The following FHIT variants were observed in gnomAD, a reference collection of about 807,000 sequenced individuals.
FHIT encodes bis(5'-adenosyl)-triphosphatase.
In FHIT, 19 loss-of-function variants were observed where a neutral mutation model predicts 17.9. That is an observed-to-expected ratio of 1.06 (90% confidence interval 0.74 to 1.56). FHIT has a LOEUF of 1.56. FHIT is among the 40% of genes most tolerant of loss of function. The probability of loss-of-function intolerance (pLI) is 0.00; values close to 1 mark genes in which losing one functional copy is unlikely to be tolerated. For synonymous variants in FHIT, 81 were observed against 69.7 expected (o/e 1.16, Z -0.81); for missense variants, 248 against 189.2 (o/e 1.31, Z -1.82).
chr3:60,784,070 G>A (rs940881349), intron 4 of FHIT, among the ~76,000 whole-genome samples: 1 of 152,128 alleles, frequency 6.6e-6, no homozygotes, highest in Non-Finnish European at 1.5e-5. Flanking sequence ...TGGTTGTTAT[G>A]AATGTCCTCT....
chr3:60,175,999 T>C (rs762139007), intron 5 of FHIT, among the ~76,000 whole-genome samples: 3 of 152,200 alleles, frequency 2.0e-5, no homozygotes, highest in Non-Finnish European at 4.4e-5. Flanking sequence ...ACGGGGCTAA[T>C]GTAGCTGAAA....
chr3:60,905,597 T>C (rs1553764347), intron 3 of FHIT, among the ~76,000 whole-genome samples: 1 of 152,140 alleles, frequency 6.6e-6, no homozygotes, highest in African/African-American at 2.4e-5. Flanking sequence ...ATAGATACAA[T>C]CAATAGTAGT....
intron 2 of FHIT, among the ~76,000 whole-genome samples, chr3:61,098,631 C>G (rs1270387862): frequency 2.0e-5 from 3 of 152,158 alleles, no homozygotes; most frequent in Non-Finnish European, 4.4e-5. Flanking sequence ...TTTCTTTGAG[C>G]AGAATTTTGT....
rs377551404 is a variant in FHIT at position 61,209,712 on chromosome 3, T to C, written c.-212-9047A>G. ...ATTGGTTATTCTAGTTAGCCATTCA[T>C]CTAATTTTTTTTCAAGGTTTTTAAC... On this transcript the variant is annotated intron_variant, in intron 1 of 9. Coordinates refer to ENST00000492590, the MANE Select transcript of FHIT (RefSeq NM_002012.4). Among the ~76,000 whole-genome samples the C allele has an allele frequency of 8.5e-5, 13 of 152,338 alleles. No homozygotes were observed. In the East Asian group the frequency reaches 2.3e-3, roughly 27 times the overall value.
intron 5 of FHIT, among the ~76,000 whole-genome samples, chr3:60,251,696 C>T (rs1210993480): frequency 6.6e-6 from 1 of 152,182 alleles, no homozygotes; most frequent in East Asian, 1.9e-4. Context: ...AATCTTTCAA[C>T]TGATCTTATC....
chr3:60,647,715 A>G (rs946045655), intron 4 of FHIT, among the ~76,000 whole-genome samples: 3 of 152,232 alleles, frequency 2.0e-5, no homozygotes, highest in African/African-American at 4.8e-5. Flanking sequence ...CGATTCTAGC[A>G]GTATGTGTTA....
At chr3:59,804,381 A>G (rs150886357) in intron 8 of FHIT, among the ~76,000 whole-genome samples, 9 of 152,344 alleles carry the variant, frequency 5.9e-5, no homozygotes, top group Non-Finnish European at 7.3e-5. Flanking sequence ...CTTGAAGAAG[A>G]AGGTACTGCT....
In FHIT at chr3:60,014,029, G is replaced by A. The variant is rs1378051443; in HGVS notation, c.227C>T (p.Thr76Ile). 3.7e-6 allele frequency: 6 copies of A among 1,614,002 alleles called. No individual in the cohort carries two copies. Among genetic ancestry groups the A allele is most frequent in the Non-Finnish European group, 4.2e-6 (5 of 1,179,940 alleles). The stretch of plus-strand genomic sequence containing the variant: ...CACCTGCATGGAAAAGGTGAGAGAG[G>A]TCCCATGGAAATGTTTTTCCACCAC... ...GTVVEKHFHG[T>I]SLTFSMQDGP... Residue 76 changes from threonine to isoleucine, a missense_variant, in exon 6 of 10, where the codon ACC becomes ATC. Physicochemically the swap from Thr to Ile is moderately conservative, Grantham distance 89. Coordinates refer to ENST00000492590, the MANE Select transcript of FHIT (RefSeq NM_002012.4).
intron 4 of FHIT, among the ~76,000 whole-genome samples, chr3:60,640,607 G>A (rs1019647212): frequency 6.6e-6 from 1 of 152,066 alleles, no homozygotes; most frequent in South Asian, 2.1e-4. Context: ...AAATTTAAAG[G>A]TGGAGGATTG....
intron 5 of FHIT, among the ~76,000 whole-genome samples, chr3:60,044,275 T>G (rs529255284): frequency 6.6e-6 from 1 of 152,228 alleles, no homozygotes; most frequent in Admixed American, 6.5e-5. Context: ...CTTTTGTGAA[T>G]TAAGACTCAA....
At chr3:60,100,075 C>G (rs957639078) in intron 5 of FHIT, among the ~76,000 whole-genome samples, 2 of 152,124 alleles carry the variant, frequency 1.3e-5, no homozygotes, top group African/African-American at 4.8e-5. Flanking sequence ...CTGACCCTGA[C>G]AATCAGGTCA....
chr3:60,432,099 C>G (rs1455023486), intron 5 of FHIT, among the ~76,000 whole-genome samples: 1 of 152,114 alleles, frequency 6.6e-6, no homozygotes, highest in Non-Finnish European at 1.5e-5. Flanking sequence ...CCTCAGCCTC[C>G]TGAGTAGCTG....
chr3:61,024,356 G>C (rs1310846710), intron 3 of FHIT, among the ~76,000 whole-genome samples: 1 of 151,978 alleles, frequency 6.6e-6, no homozygotes, highest in African/African-American at 2.4e-5. Context: ...CAATAGAGAG[G>C]CAACGTTTAA....
At chr3:60,977,798 G>A (rs1319775209) in intron 3 of FHIT, among the ~76,000 whole-genome samples, 2 of 151,914 alleles carry the variant, frequency 1.3e-5, no homozygotes, top group Non-Finnish European at 2.9e-5. Context: ...TTGAACCCAG[G>A]AGGTAGAGGT....
chr3:61,043,546 T>C (rs532527247), intron 2 of FHIT, among the ~76,000 whole-genome samples: 3 of 152,332 alleles, frequency 2.0e-5, no homozygotes, highest in African/African-American at 7.2e-5. Context: ...TCTCCACCTC[T>C]GGGGGCAGGG....
intron 3 of FHIT, among the ~76,000 whole-genome samples, chr3:60,883,841 C>A (rs1705084303): frequency 6.6e-6 from 1 of 151,988 alleles, no homozygotes; most frequent in Non-Finnish European, 1.5e-5. Flanking sequence ...ATAAAGGCAA[C>A]AAAGGTTAAA....
At chr3:60,653,019 C>A (rs1301279409) in intron 4 of FHIT, among the ~76,000 whole-genome samples, 1 of 152,120 alleles carries the variant, frequency 6.6e-6, no homozygotes, top group African/African-American at 2.4e-5. Flanking sequence ...TGAAACTCTT[C>A]AAGCTTGCTA....
intron 4 of FHIT, among the ~76,000 whole-genome samples, chr3:60,680,957 T>C (rs1385267848): frequency 6.6e-6 from 1 of 152,196 alleles, no homozygotes; most frequent in Non-Finnish European, 1.5e-5. Context: ...AAAGCAAACA[T>C]TTTATAACAT....
chr3:61,168,539 T>C (rs1380644749), intron 2 of FHIT, among the ~76,000 whole-genome samples: 2 of 152,214 alleles, frequency 1.3e-5, no homozygotes, highest in East Asian at 3.8e-4. Context: ...CAAGTCAACC[T>C]TGTGACAGGG....
Sources: allele counts gnomAD v4.1 joint callset (sites outside exome capture counted in the v4.1 genomes callset), GRCh38; gene constraint gnomAD v4.1.1; transcripts MANE v1.5; gene names NCBI Gene and HGNC (gene_info 2026-07-23, HGNC 2026-07-21).